Variants in PLEKHA3 observed in about 807,000 individuals in gnomAD.
The protein encoded by PLEKHA3 is pleckstrin homology domain-containing family A member 3.
A neutral mutation model predicts 39.2 loss-of-function variants in PLEKHA3; 19 were observed. The ratio of observed to expected loss-of-function variants is 0.48; its 90% CI spans 0.34 to 0.71. The LOEUF (loss-of-function observed/expected upper bound fraction) is 0.71, where lower values mean the gene tolerates loss of function less well. Ranked by LOEUF, PLEKHA3 falls within the 30% of genes least tolerant of loss-of-function variation. The probability of loss-of-function intolerance (pLI) is 0.01; values close to 1 mark genes in which losing one functional copy is unlikely to be tolerated. For synonymous variants in PLEKHA3, 97 were observed against 118.6 expected (o/e 0.82, Z 1.18); for missense variants, 253 against 359.5 (o/e 0.70, Z 2.40).
At chr2:178,490,921 A>G in intron 3 of PLEKHA3, 107 bp downstream of exon 3, 1 of 883,712 alleles carries the variant, frequency 1.1e-6, no homozygotes, top group Non-Finnish European at 1.6e-6. Context: ...GGAAATAATT[A>G]GAAATGTAGA....
chr2:178,495,783 G>A lies in PLEKHA3; in HGVS notation c.615+123G>A, dbSNP rs1003135879. 22 of 1,096,428 alleles carry A rather than the reference G, an allele frequency of 2.0e-5. No individual in the cohort carries two copies. The African/African-American group carries it at 3.3e-4, about 17-fold the overall frequency. The allele number at this position is 1,096,428 out of a possible 1,614,324, so 67.9% of individuals were successfully genotyped here. Reference sequence around the variant, plus strand: ...TTGGGGGGCGGGGAACAGCTAACAAGTTGAATTTTTTTGTTTGTACTGTTT... The same window carrying A: ...TTGGGGGGCGGGGAACAGCTAACAAATTGAATTTTTTTGTTTGTACTGTTT... On this transcript the variant is annotated intron_variant, in intron 5 of 7. Coordinates refer to ENST00000234453, the MANE Select transcript of PLEKHA3 (RefSeq NM_019091.4).
chr2:178,503,534 G>C (rs1476525193), intron 7 of PLEKHA3, among the ~76,000 whole-genome samples: 1 of 151,882 alleles, frequency 6.6e-6, no homozygotes, highest in African/African-American at 2.4e-5. Flanking sequence ...CTCTACTTCA[G>C]GCAATTTCAT....
intron 2 of PLEKHA3, among the ~76,000 whole-genome samples, chr2:178,488,121 A>G (rs1685281670): frequency 6.6e-6 from 1 of 152,232 alleles, no homozygotes; most frequent in African/African-American, 2.4e-5. Context: ...CAAAAAGGAA[A>G]AAAAAAAAGG....
At chr2:178,493,235 TTAA>T (rs1297832617) in intron 3 of PLEKHA3, among the ~76,000 whole-genome samples, 2 of 152,164 alleles carry the variant, frequency 1.3e-5, no homozygotes, top group Non-Finnish European at 2.9e-5. Flanking sequence ...AAGTATGCTC[TTAA>T]TAAAAAATTT....
rs1685707133 is a variant in PLEKHA3 at position 178,512,719 on chromosome 2, C to G, written c.*8832C>G. ...GAGTCATGTAATGAAAGGAGATGTT[C>G]TAGGAAAACTTTTCAGTCCCGCTCA... On this transcript the variant is annotated 3_prime_UTR_variant, in exon 8 of 8. Coordinates refer to ENST00000234453, the MANE Select transcript of PLEKHA3 (RefSeq NM_019091.4). 1 of 153,690 alleles carries G rather than the reference C, an allele frequency of 6.5e-6. No homozygotes were observed. Among genetic ancestry groups the G allele is most frequent in the Non-Finnish European group, 1.5e-5 (1 of 68,008 alleles). 9.5% of individuals were successfully genotyped at this position (153,690 alleles called of 1,614,324 possible).
At chr2:178,500,938 A>G in intron 6 of PLEKHA3, 123 bp from the exon 7 acceptor site, 1 of 674,628 alleles carries the variant, frequency 1.5e-6, no homozygotes, top group Non-Finnish European at 2.6e-6. Context: ...TGTTGCTAAC[A>G]CGGGACGTTG....
chr2:178,484,876 T>C (rs1051662803), intron 1 of PLEKHA3, among the ~76,000 whole-genome samples: 2 of 152,236 alleles, frequency 1.3e-5, no homozygotes, highest in African/African-American at 4.8e-5. Context: ...AAGTCTGTGA[T>C]AGATGTGAGC....
Position 178,514,400 on chromosome 2 carries a change from CTT to C in PLEKHA3, c.*10515_*10516del, listed in dbSNP as rs1685730701. 4 of 152,076 alleles carry C rather than the reference CTT, an allele frequency of 2.6e-5. No homozygotes were observed. In the South Asian group the frequency reaches 8.3e-4, roughly 31 times the overall value. 9.4% of individuals were successfully genotyped at this position (152,076 alleles called of 1,614,324 possible). A position where few individuals can be genotyped will look rare whatever the true frequency, so the allele number is the denominator to read the frequency against. ...ATGGGTATATTCTAACTTTGCATAA[CTT>C]TGCTAGATTATATATATCTTTACTC... On this transcript the variant is annotated 3_prime_UTR_variant, in exon 8 of 8. Transcript: ENST00000234453.
Position 178,485,803 on chromosome 2 carries a change from A to G in PLEKHA3, c.157+46A>G, listed in dbSNP as rs1211367699. 2.2e-5 allele frequency: 31 copies of G among 1,402,032 alleles called. No individual in the cohort carries two copies. The East Asian group carries it at 3.2e-4, about 14-fold the overall frequency. 86.8% of individuals were successfully genotyped at this position (1,402,032 alleles called of 1,614,324 possible). A position where few individuals can be genotyped will look rare whatever the true frequency, so the allele number is the denominator to read the frequency against. The stretch of plus-strand genomic sequence containing the variant: ...AGAGGAATTGGAGGTTAGATAGTCA[A>G]GGGTTCTTCAGCATACTCCAGACGA... On this transcript the variant is annotated intron_variant, in intron 2 of 7. Coordinates refer to ENST00000234453, the MANE Select transcript of PLEKHA3 (RefSeq NM_019091.4).
rs1455857725 is a variant in PLEKHA3 at position 178,515,286 on chromosome 2, T to TC, written c.*11400dup. On this transcript the variant is annotated 3_prime_UTR_variant, in exon 8 of 8. Coordinates refer to ENST00000234453, the MANE Select transcript of PLEKHA3 (RefSeq NM_019091.4). Reference sequence around the variant, plus strand: ...CTGGTTTTCAGAATTCTGTGTAGTTTCTCAACATTTCCTTTCTACCTGTCC... The same window carrying TC: ...CTGGTTTTCAGAATTCTGTGTAGTTTCCTCAACATTTCCTTTCTACCTGTCC... 6.6e-6 allele frequency: 1 copy of TC among 152,118 alleles called. No homozygotes were observed. The highest frequency in any genetic ancestry group is 1.5e-5 in the Non-Finnish European group (1 of 68,024). 9.4% of individuals were successfully genotyped at this position (152,118 alleles called of 1,614,324 possible). A position where few individuals can be genotyped will look rare whatever the true frequency, so the allele number is the denominator to read the frequency against.
At chr2:178,503,333 G>A (rs747436346) in intron 7 of PLEKHA3, among the ~76,000 whole-genome samples, 2 of 151,904 alleles carry the variant, frequency 1.3e-5, no homozygotes, top group South Asian at 4.1e-4. Context: ...CCAATTGTGT[G>A]ATCTTGGGTA....
chr2:178,490,030 A>G (rs1685319180), intron 2 of PLEKHA3, among the ~76,000 whole-genome samples: 1 of 152,222 alleles, frequency 6.6e-6, no homozygotes, highest in Non-Finnish European at 1.5e-5. Flanking sequence ...ATTTTGTTTT[A>G]CAACAAAGAC....
chr2:178,489,453 T>C (rs988021812), intron 2 of PLEKHA3, among the ~76,000 whole-genome samples: 2 of 85,440 alleles, frequency 2.3e-5, no homozygotes, highest in Non-Finnish European at 6.2e-5. Context: ...TTTTCCTTCT[T>C]TTTTTTTTTT....
At chr2:178,487,745 A>G (rs1685274103) in intron 2 of PLEKHA3, among the ~76,000 whole-genome samples, 1 of 152,234 alleles carries the variant, frequency 6.6e-6, no homozygotes, top group Non-Finnish European at 1.5e-5. Context: ...TGCCTGGCCA[A>G]TAATCTTTTT....
rs1308480474 is a variant in PLEKHA3, at chr2:178,508,556, A to G, written c.*4669A>G. The G allele has an allele frequency of 2.0e-5, 3 of 153,416 alleles. No individual in the cohort carries two copies. The highest frequency in any genetic ancestry group is 7.3e-5 in the African/African-American group (3 of 41,346). The allele number at this position is 153,416 out of a possible 1,614,324, so 9.5% of individuals were successfully genotyped here. On this transcript the variant is annotated 3_prime_UTR_variant, in exon 8 of 8. Transcript: ENST00000234453. The stretch of plus-strand genomic sequence containing the variant: ...TAAAAAGCTAATGTCATAGGTCTTT[A>G]TATGTGGGCAGGGTTTATAAGTTGT...
At chr2:178,502,964 G>C (rs564720330) in intron 7 of PLEKHA3, among the ~76,000 whole-genome samples, 8 of 152,104 alleles carry the variant, frequency 5.3e-5, no homozygotes, top group African/African-American at 1.9e-4. Flanking sequence ...GATTGAATTA[G>C]TGCTCTTTCC....
chr2:178,498,324 A>G (rs959112314), intron 5 of PLEKHA3, among the ~76,000 whole-genome samples: 3 of 152,222 alleles, frequency 2.0e-5, no homozygotes, highest in African/African-American at 4.8e-5. Context: ...TGGGTGGGTC[A>G]TATCTCTTAG....
intron 3 of PLEKHA3, among the ~76,000 whole-genome samples, 163 bp from the exon 4 acceptor site, chr2:178,493,690 G>A (rs1332477465): frequency 1.3e-5 from 2 of 152,170 alleles, no homozygotes; most frequent in African/African-American, 4.8e-5. Context: ...ATTATCTGAA[G>A]AGAAGATGTT....
chr2:178,503,225 G>A (rs2154128048), intron 7 of PLEKHA3, among the ~76,000 whole-genome samples: 1 of 152,050 alleles, frequency 6.6e-6, no homozygotes, highest in East Asian at 1.9e-4. Flanking sequence ...ATTACAAATG[G>A]AGAAATGGGA....
Sources: gnomAD v4.1 joint callset for allele counts (sites outside exome capture counted in the v4.1 genomes callset) on GRCh38, gnomAD v4.1.1 for gene constraint, MANE v1.5 for transcripts, NCBI Gene and HGNC (gene_info 2026-07-23, HGNC 2026-07-21) for gene names.